The following SYNE1 variants were observed in gnomAD, a reference collection of about 807,000 sequenced individuals.
SYNE1 encodes spectrin repeat containing nuclear envelope protein 1.
A neutral mutation model predicts 1,111.0 loss-of-function variants in SYNE1; 616 were observed. The ratio of observed to expected loss-of-function variants is 0.55; its 90% CI spans 0.52 to 0.59. SYNE1 has a LOEUF of 0.59. Ranked by LOEUF, SYNE1 falls within the 20% of genes least tolerant of loss-of-function variation. The pLI is 0.00. For synonymous variants in SYNE1, 3,855 were observed against 3,825.8 expected, an observed-to-expected ratio of 1.01 and a Z score of -0.28; for missense variants, 10,006 against 10,417.0, an observed-to-expected ratio of 0.96 and a Z score of 1.72.
Position 152,293,464 on chromosome 6 carries a change from C to CT in SYNE1, c.18012+123dup, listed in dbSNP as rs1415153048. The stretch of plus-strand genomic sequence containing the variant: ...AGGACCCTTGTTTACTCTGGAAGAA[C>CT]TGATAAGGTTAAAAAATTTTTAAAA... On this transcript the variant is annotated intron_variant, in intron 95 of 145. Coordinates refer to ENST00000367255, the MANE Select transcript of SYNE1 (RefSeq NM_182961.4). 3.1e-6 allele frequency: 3 copies of CT among 973,614 alleles called. No individual in the cohort carries two copies. In the African/African-American group the frequency reaches 4.8e-5, roughly 16 times the overall value. The allele number at this position is 973,614 out of a possible 1,614,324, so 60.3% of individuals were successfully genotyped here.
intron 34 of SYNE1, among the ~76,000 whole-genome samples, chr6:152,432,949 ATCT>A (rs2154209622): frequency 6.6e-6 from 1 of 152,224 alleles, no homozygotes; most frequent in East Asian, 1.9e-4. Flanking sequence ...ACAGCGGGTA[ATCT>A]TATCTGAGCA....
intron 138 of SYNE1, among the ~76,000 whole-genome samples, chr6:152,141,819 C>G (rs1336777466): frequency 6.6e-6 from 1 of 152,126 alleles, no homozygotes; most frequent in South Asian, 2.1e-4. Flanking sequence ...GCCTCTAATC[C>G]CAGCACTTTG....
chr6:152,464,166 T>C (rs1275856884), intron 18 of SYNE1, among the ~76,000 whole-genome samples: 5 of 152,196 alleles, frequency 3.3e-5, no homozygotes, highest in African/African-American at 4.8e-5. Context: ...TAACACACTT[T>C]CTTATTTATT....
At chr6:152,141,355 CT>C in intron 138 of SYNE1, 26 bp from the exon 139 acceptor site, 5 of 1,613,116 alleles carry the variant, frequency 3.1e-6, no homozygotes, top group Non-Finnish European at 4.2e-6. Context: ...CAACCGGCCC[CT>C]GTCACCCAAA....
At chr6:152,390,494 A>G (rs2097593161) in intron 52 of SYNE1, 42 bp from the exon 53 acceptor site, 1 of 1,599,452 alleles carries the variant, frequency 6.3e-7, no homozygotes. Context: ...GCATGTAAAA[A>G]CCTTCTTCTA....
rs536657256 is a variant in SYNE1, at chr6:152,277,346, C to T, written c.18573+743G>A. Among the ~76,000 whole-genome samples the T allele has an allele frequency of 1.0e-3, 136 of 133,508 alleles. 2 individuals carry two copies. Among genetic ancestry groups the T allele is most frequent in the Middle Eastern group, 4.9e-3 (1 of 204 alleles). The allele number at this position is 133,508 out of a possible 152,430, so 87.6% of individuals were successfully genotyped here. ...AGACTGGAGTGCAGTGATATAATCT[C>T]GGCTCACTGAAATCTCCACCTCCCA... On this transcript the variant is annotated intron_variant, in intron 98 of 145. Coordinates refer to ENST00000367255, the MANE Select transcript of SYNE1 (RefSeq NM_182961.4).
At chr6:152,303,049 G>A (rs929377216) in intron 91 of SYNE1, among the ~76,000 whole-genome samples, 3 of 147,384 alleles carry the variant, frequency 2.0e-5, no homozygotes, top group Admixed American at 6.8e-5. Context: ...TTTAAAAAAC[G>A]AAAATACATA....
intron 90 of SYNE1, among the ~76,000 whole-genome samples, chr6:152,308,999 T>C (rs949430347): frequency 2.0e-5 from 3 of 152,202 alleles, no homozygotes; most frequent in African/African-American, 7.2e-5. Context: ...AAGACACTTA[T>C]CTAAGTGCTA....
chr6:152,487,740 C>A lies in SYNE1; in HGVS notation c.1047+656G>T, dbSNP rs373362186. Among the ~76,000 whole-genome samples, 9 of 152,232 alleles carry A rather than the reference C, an allele frequency of 5.9e-5. No homozygotes were observed. In the East Asian group the frequency reaches 1.2e-3, roughly 20 times the overall value. ...TACTAATTTTCAATTTGACTCAACTCTTTGTTCTTGGTAGATTTTTGGGTT... is the reference window on the plus strand; with the variant it reads ...TACTAATTTTCAATTTGACTCAACTATTTGTTCTTGGTAGATTTTTGGGTT... On this transcript the variant is annotated intron_variant, in intron 12 of 145. Coordinates refer to ENST00000367255, the MANE Select transcript of SYNE1 (RefSeq NM_182961.4).
intron 62 of SYNE1, chr6:152,366,916 C>G: frequency 5.7e-6 from 3 of 525,872 alleles, no homozygotes; most frequent in Middle Eastern, 3.1e-4. Context: ...AATGTTTCCT[C>G]AAAATATTTT....
intron 3 of SYNE1, among the ~76,000 whole-genome samples, chr6:152,547,617 T>C (rs915151630): frequency 6.6e-6 from 1 of 152,158 alleles, no homozygotes; most frequent in Non-Finnish European, 1.5e-5. Flanking sequence ...AAAAATAAGA[T>C]ATTTTCTTAT....
Position 152,230,649 on chromosome 6 carries a change from T to C in SYNE1, c.21093A>G (p.Val7031=). The C allele has an allele frequency of 3.7e-6, 6 of 1,614,112 alleles. No individual in the cohort carries two copies. Among genetic ancestry groups the C allele is most frequent in the Non-Finnish European group, 2.5e-6 (3 of 1,179,972 alleles). ...TTTCAAACCATGTTTTCAGACATTG[T>C]ACATTATTTTCATATTCTGACCAAG... The part of the protein sequence containing the change: ...LESWSEYENN[V]QCLKTWFETQ... Residue 7031 remains valine (V), a synonymous_variant, in exon 115 of 146, where the codon GTA becomes GTG. Coordinates refer to ENST00000367255, the MANE Select transcript of SYNE1 (RefSeq NM_182961.4).
chr6:152,525,939 G>T, intron 5 of SYNE1, 141 bp downstream of exon 5: 1 of 738,170 alleles, frequency 1.4e-6, no homozygotes, highest in Non-Finnish European at 2.4e-6. Flanking sequence ...AGAAGTGCCA[G>T]CAGTGTTTCC....
Position 152,122,462 on chromosome 6 carries a change from A to G in SYNE1, c.26368T>C (p.Tyr8790His), listed in dbSNP as rs1159638583. 2 of 1,614,168 alleles carry G rather than the reference A, an allele frequency of 1.2e-6. No homozygotes were observed. The highest frequency in any genetic ancestry group is 2.2e-5 in the South Asian group (2 of 91,080). ...CAGAGTGGAGGAGGGCCATTCGTGT[A>G]TCTGAGCATGGGGTGGAATGACCGG... The part of the protein sequence containing the change: ...FARSFHPMLR[Y>H]TNGPPPL Residue 8790 changes from tyrosine (Y) to histidine (H), a missense_variant, in exon 146 of 146, where the codon TAC (tyrosine) becomes CAC (histidine). By Grantham distance (83) the Tyr-to-His change is moderately conservative (BLOSUM62 2). This residue lies in a region of SYNE1 where 761 missense variants were observed against 795.5 expected (regional missense o/e 0.96). Coordinates refer to ENST00000367255, the MANE Select transcript of SYNE1 (RefSeq NM_182961.4).
rs1431279234 is a variant in SYNE1, at chr6:152,396,937, G to C, written c.7394C>G (p.Ala2465Gly). The C allele has an allele frequency of 6.2e-7, 1 of 1,614,058 alleles. No individual in the cohort carries two copies. The highest frequency in any genetic ancestry group is 8.5e-7 in the Non-Finnish European group (1 of 1,180,038). ...CAAAGTTTGTCCTTCTTGAGTCACT[G>C]CATCAAGTTTGCTCTGCCCATCACT... ...SVSDGQSKLD[A>G]VTQEGQTLYA... Residue 2465 changes from alanine (A) to glycine (G), a missense_variant, in exon 50 of 146, where the codon GCA becomes GGA. Ala to Gly is a moderately conservative substitution (Grantham distance 60). Transcript: ENST00000367255.
rs1224446068 is a variant in SYNE1, at chr6:152,330,665, T to A, written c.14020A>T (p.Lys4674Ter). The change falls in exon 78 of 146, where the codon AAG becomes TAG. Residue 4674 changes from lysine to a stop codon, truncating the protein, a stop_gained. Coordinates refer to ENST00000367255, the MANE Select transcript of SYNE1 (RefSeq NM_182961.4). LOFTEE classifies it high-confidence loss of function. ...YKVQEAILARKEYASLIELTT... is the reference protein window; with the variant it reads ...YKVQEAILAR Reference sequence around the variant, plus strand: ...AACTCAATCAAGGAAGCATATTCCTTCCGAGCAAGAATTGCTTCCTGGACT... The same window carrying A: ...AACTCAATCAAGGAAGCATATTCCTACCGAGCAAGAATTGCTTCCTGGACT... 6.2e-7 allele frequency: 1 copy of A among 1,613,898 alleles called. No individual in the cohort carries two copies. Among genetic ancestry groups the A allele is most frequent in the South Asian group, 1.1e-5 (1 of 91,084 alleles).
rs368569757 is a variant in SYNE1 at position 152,336,479 on chromosome 6, C to T, written c.12528+362G>A. The T allele has an allele frequency of 5.7e-5, 17 of 299,870 alleles. No homozygotes were observed. In the East Asian group the frequency reaches 8.5e-4, roughly 15 times the overall value. 18.6% of individuals were successfully genotyped at this position (299,870 alleles called of 1,614,324 possible). The stretch of plus-strand genomic sequence containing the variant: ...ATGGTTTCAGGATGAAGCTGTTCCA[C>T]CTCAAATCATCAGATATTAGTTAGA... On this transcript the variant is annotated intron_variant, in intron 76 of 145. Coordinates refer to ENST00000367255, the MANE Select transcript of SYNE1 (RefSeq NM_182961.4).
chr6:152,238,393 T>C (rs2153544750), intron 108 of SYNE1, among the ~76,000 whole-genome samples: 1 of 152,320 alleles, frequency 6.6e-6, no homozygotes, highest in South Asian at 2.1e-4. Flanking sequence ...AAAGATGAGA[T>C]GGATTCATGT....
rs2099012117 is a variant in SYNE1 at position 152,498,633 on chromosome 6, T to C, written c.939+109A>G. 8 of 657,338 alleles carry C rather than the reference T, an allele frequency of 1.2e-5. No individual in the cohort carries two copies. In the South Asian group the frequency reaches 1.9e-4, roughly 15 times the overall value. The allele number at this position is 657,338 out of a possible 1,614,324, so 40.7% of individuals were successfully genotyped here. A position where few individuals can be genotyped will look rare whatever the true frequency, so the allele number is the denominator to read the frequency against. On this transcript the variant is annotated intron_variant, in intron 11 of 145. Coordinates refer to ENST00000367255, the MANE Select transcript of SYNE1 (RefSeq NM_182961.4). ...AACGCAAATGATGTGATTAAAGTAT[T>C]AAGAGAAATGTATACATAAAGACAA...
Sources: allele counts gnomAD v4.1 joint callset (sites outside exome capture counted in the v4.1 genomes callset), GRCh38; gene constraint gnomAD v4.1.1; regional missense constraint gnomAD v4.1.1; transcripts MANE v1.5; gene names NCBI Gene and HGNC (gene_info 2026-07-23, HGNC 2026-07-21).